The following ZBBX variants were observed in gnomAD, a reference collection of about 807,000 sequenced individuals.
The protein encoded by ZBBX is zinc finger B-box domain containing.
Under a neutral mutation model 108.5 loss-of-function variants are expected in ZBBX, and 101 were observed. That is an observed-to-expected ratio of 0.93 (90% CI 0.79 to 1.10). ZBBX has a LOEUF of 1.10. ZBBX is among the 50% of genes least tolerant of loss of function. The pLI is 0.00. For missense variants in ZBBX, 1,009 were observed against 941.4 expected (o/e 1.07, Z -0.94); for synonymous variants, 356 against 323.4 (o/e 1.10, Z -1.08).
At chr3:167,267,753 AT>A (rs1725814782) in intron 20 of ZBBX, among the ~76,000 whole-genome samples, 1 of 152,098 alleles carries the variant, frequency 6.6e-6, no homozygotes, top group Non-Finnish European at 1.5e-5. Flanking sequence ...GTTCTCCTCT[AT>A]CCCTTAAAAA....
chr3:167,210,858 C>A, the ZBBX span, among the ~76,000 whole-genome samples: 50 of 152,250 alleles, frequency 3.3e-4, no homozygotes, highest in East Asian at 9.3e-3. Flanking sequence ...TACTTTCCCA[C>A]TCAAACAAAA....
chr3:167,254,049 T>C (rs1723059224), intron 20 of ZBBX, among the ~76,000 whole-genome samples: 1 of 152,142 alleles, frequency 6.6e-6, no homozygotes, highest in Non-Finnish European at 1.5e-5. Context: ...GTAACAAACA[T>C]CAATGGGGTA....
In ZBBX at chr3:167,288,971, C is replaced by A; in HGVS notation, c.1892G>T (p.Trp631Leu). The stretch of plus-strand genomic sequence containing the variant: ...TTCACTTAAGCTATGGTCTGGAATC[C>A]ATTCTCTGTCTTCTGAAATTGAAAA... ...TRITLAEDRE[W>L]IPDHSLSEYA... is the part of the protein sequence containing the mutation. Residue 631 changes from tryptophan to leucine, a missense_variant, in exon 19 of 22, where the codon TGG becomes TTG. Trp to Leu is a moderately conservative substitution (Grantham distance 61). Coordinates refer to ENST00000675490, the MANE Select transcript of ZBBX (RefSeq NM_001199201.2). 6.5e-7 allele frequency: 1 copy of A among 1,530,490 alleles called. No individual in the cohort carries two copies. The highest frequency in any genetic ancestry group is 8.8e-7 in the Non-Finnish European group (1 of 1,135,094). 94.8% of individuals were successfully genotyped at this position (1,530,490 alleles called of 1,614,324 possible).
the ZBBX span, among the ~76,000 whole-genome samples, chr3:167,220,212 G>A: frequency 6.6e-6 from 1 of 151,882 alleles, no homozygotes; most frequent in Non-Finnish European, 1.5e-5. Flanking sequence ...AGAGAAGGAA[G>A]GAACACTTTC....
chr3:167,249,000 G>A (rs1722093315), intron 20 of ZBBX, among the ~76,000 whole-genome samples: 1 of 152,138 alleles, frequency 6.6e-6, no homozygotes, highest in Non-Finnish European at 1.5e-5. Context: ...AGGGAATGAG[G>A]GACACCTCTA....
intron 20 of ZBBX, among the ~76,000 whole-genome samples, chr3:167,261,736 G>C (rs1160430953): frequency 7.0e-6 from 1 of 143,778 alleles, no homozygotes; most frequent in Non-Finnish European, 1.5e-5. Context: ...GAGCTATATG[G>C]GTTTGAAAAC....
intron 20 of ZBBX, among the ~76,000 whole-genome samples, chr3:167,244,161 G>C (rs1259790123): frequency 2.0e-5 from 3 of 152,150 alleles, no homozygotes; most frequent in Non-Finnish European, 4.4e-5. Context: ...CGGCCATATA[G>C]TGGAAGAGCT....
At chr3:167,262,771 C>T (rs115539730) in intron 20 of ZBBX, among the ~76,000 whole-genome samples, 2,039 of 152,254 alleles carry the variant, frequency 0.013, 45 homozygotes, top group African/African-American at 0.047. Flanking sequence ...ATAGTAGCCA[C>T]TAATGATCCT....
At chr3:167,318,457 C>T (rs556150927) in intron 12 of ZBBX, among the ~76,000 whole-genome samples, 4 of 151,914 alleles carry the variant, frequency 2.6e-5, no homozygotes, top group South Asian at 2.1e-4. Flanking sequence ...AGTGGTGTAC[C>T]GACTTGTTGA....
the ZBBX span, among the ~76,000 whole-genome samples, chr3:167,207,061 T>C: frequency 6.6e-6 from 1 of 152,168 alleles, no homozygotes; most frequent in Admixed American, 6.5e-5. Context: ...AGCTTCCTGA[T>C]ATTTGCATTG....
chr3:167,327,780 G>A (rs1413026733), intron 11 of ZBBX, among the ~76,000 whole-genome samples, 162 bp downstream of exon 11: 1 of 151,898 alleles, frequency 6.6e-6, no homozygotes, highest in Non-Finnish European at 1.5e-5. Flanking sequence ...CAGGCATGGT[G>A]GCACGCACTT....
intron 20 of ZBBX, among the ~76,000 whole-genome samples, chr3:167,245,472 C>T (rs1283552518): frequency 1.3e-5 from 2 of 152,092 alleles, no homozygotes; most frequent in Non-Finnish European, 1.5e-5. Flanking sequence ...GCTTGCATCC[C>T]TTTACCTTCA....
the ZBBX span, among the ~76,000 whole-genome samples, chr3:167,184,085 G>A: frequency 1.3e-5 from 2 of 152,104 alleles, no homozygotes; most frequent in Non-Finnish European, 2.9e-5. Flanking sequence ...CAATAAACAC[G>A]TGAAGAAATT....
chr3:167,213,809 C>T, the ZBBX span, among the ~76,000 whole-genome samples: 1 of 152,058 alleles, frequency 6.6e-6, no homozygotes, highest in Non-Finnish European at 1.5e-5. Flanking sequence ...ACAAAGGGCT[C>T]CCTATCAGGC....
chr3:167,238,788 G>A (rs1396551398), downstream of ZBBX, among the ~76,000 whole-genome samples: 6 of 151,970 alleles, frequency 3.9e-5, no homozygotes, highest in Non-Finnish European at 4.4e-5. Context: ...CTTAAGCCTC[G>A]ACTTATAAGA....
intron 1 of ZBBX, chr3:167,399,590 T>C (rs1360917649): frequency 1.3e-5 from 2 of 152,138 alleles, no homozygotes; most frequent in Non-Finnish European, 2.9e-5. Flanking sequence ...AAAGGAAGGA[T>C]GGGAATTTTA....
downstream of ZBBX, among the ~76,000 whole-genome samples, chr3:167,236,655 G>C (rs1467028808): frequency 6.6e-6 from 1 of 151,536 alleles, no homozygotes; most frequent in African/African-American, 2.4e-5. Flanking sequence ...TGTAGGGACC[G>C]ACAGGGCTTC....
chr3:167,310,558 G>A (rs1220181345), intron 16 of ZBBX, among the ~76,000 whole-genome samples: 1 of 152,130 alleles, frequency 6.6e-6, no homozygotes, highest in Non-Finnish European at 1.5e-5. Context: ...AGAAGGTGAA[G>A]GGGAAGCAAG....
chr3:167,190,252 C>G, the ZBBX span, among the ~76,000 whole-genome samples: 1 of 151,902 alleles, frequency 6.6e-6, no homozygotes, highest in African/African-American at 2.4e-5. Context: ...ACATCATTTG[C>G]AATTTTAAAA....
Sources: gnomAD v4.1 joint callset for allele counts (sites outside exome capture counted in the v4.1 genomes callset) on GRCh38, gnomAD v4.1.1 for gene constraint, MANE v1.5 for transcripts, NCBI Gene and HGNC (gene_info 2026-07-23, HGNC 2026-07-21) for gene names.